Variants in EFNA5 observed in about 807,000 individuals in gnomAD.
EFNA5 encodes the protein ephrin-A5.
In EFNA5, 5 loss-of-function variants were observed where a neutral mutation model predicts 22.9. That is an observed-to-expected ratio of 0.22 (90% confidence interval 0.11 to 0.46). EFNA5 has a LOEUF of 0.46. Ranked by LOEUF, EFNA5 falls within the 20% of genes least tolerant of loss-of-function variation. The pLI, the probability that EFNA5 is intolerant of heterozygous loss-of-function variation, is 0.99. For synonymous variants in EFNA5, 113 were observed against 112.2 expected (o/e 1.01, Z -0.04); for missense variants, 237 against 293.3 (o/e 0.81, Z 1.40).
intron 2 of EFNA5, among the ~76,000 whole-genome samples, chr5:107,426,150 A>T (rs149298103): frequency 6.6e-6 from 1 of 152,240 alleles, no homozygotes; most frequent in East Asian, 1.9e-4. Flanking sequence ...ATATCTTTTC[A>T]TCTTGCATCC....
chr5:107,542,255 C>G (rs1474173917), intron 1 of EFNA5, among the ~76,000 whole-genome samples: 3 of 152,034 alleles, frequency 2.0e-5, no homozygotes, highest in Non-Finnish European at 2.9e-5. Context: ...GAAACAAGAG[C>G]CTCCTGCTTC....
In EFNA5 at chr5:107,427,383, A is replaced by G. The variant is rs1312611907; in HGVS notation, c.252T>C (p.Phe84=). The G allele has an allele frequency of 6.2e-7, 1 of 1,614,020 alleles. No homozygotes were observed. The highest frequency in any genetic ancestry group is 8.5e-7 in the Non-Finnish European group (1 of 1,180,018). ...TERYVLYMVN[F]DGYSACDHTS... is the part of the protein sequence containing the mutation. The stretch of plus-strand genomic sequence containing the variant: ...TGTGGTCGCAGGCACTGTAGCCATC[A>G]AAGTTCACCATGTAGAGGACATAGC... Residue 84 remains phenylalanine (F), a synonymous_variant, in exon 2 of 5, where the codon TTT becomes TTC. Coordinates refer to ENST00000333274, the MANE Select transcript of EFNA5 (RefSeq NM_001962.3).
chr5:107,526,275 C>T (rs1196739701), intron 1 of EFNA5, among the ~76,000 whole-genome samples: 2 of 152,328 alleles, frequency 1.3e-5, no homozygotes, highest in Non-Finnish European at 1.5e-5. Flanking sequence ...TAGGTTTCAA[C>T]TAGAAGACTC....
intron 1 of EFNA5, among the ~76,000 whole-genome samples, chr5:107,513,512 T>C (rs1747416661): frequency 6.6e-6 from 1 of 152,208 alleles, no homozygotes; most frequent in Non-Finnish European, 1.5e-5. Context: ...AGAAGATGTA[T>C]GCTGGGCAGA....
At chr5:107,404,196 G>A (rs372396548) in intron 2 of EFNA5, among the ~76,000 whole-genome samples, 80 of 152,308 alleles carry the variant, frequency 5.3e-4, no homozygotes, top group African/African-American at 1.8e-3. Context: ...AAGTGATGGC[G>A]AGTTCTCATT....
intron 1 of EFNA5, among the ~76,000 whole-genome samples, chr5:107,605,557 T>C (rs1749694799): frequency 6.6e-6 from 1 of 151,880 alleles, no homozygotes; most frequent in South Asian, 2.1e-4. Flanking sequence ...ATTACGACCT[T>C]TACCCCCACC....
chr5:107,511,468 C>T (rs755895718), intron 1 of EFNA5, among the ~76,000 whole-genome samples: 1 of 152,062 alleles, frequency 6.6e-6, no homozygotes, highest in Admixed American at 6.6e-5. Flanking sequence ...AAGCATGAAA[C>T]TGGTAGAGAA....
At chr5:107,425,824 T>C (rs1420913479) in intron 2 of EFNA5, among the ~76,000 whole-genome samples, 1 of 152,220 alleles carries the variant, frequency 6.6e-6, no homozygotes, top group Non-Finnish European at 1.5e-5. Flanking sequence ...GAAATCCCTG[T>C]AGACTTAAAC....
chr5:107,580,960 A>T (rs1477142235), intron 1 of EFNA5, among the ~76,000 whole-genome samples: 2 of 152,196 alleles, frequency 1.3e-5, no homozygotes, highest in African/African-American at 4.8e-5. Flanking sequence ...GCATTGAGCC[A>T]GTACGTTGAG....
chr5:107,404,344 A>G (rs1426177177), intron 2 of EFNA5, among the ~76,000 whole-genome samples: 3 of 152,234 alleles, frequency 2.0e-5, no homozygotes, highest in African/African-American at 4.8e-5. Flanking sequence ...CTAGAATATT[A>G]TTTCTTCATA....
At chr5:107,541,653 C>T (rs1230991007) in intron 1 of EFNA5, among the ~76,000 whole-genome samples, 1 of 152,182 alleles carries the variant, frequency 6.6e-6, no homozygotes. Context: ...CAGATTGGGA[C>T]AGACACACCT....
intron 1 of EFNA5, among the ~76,000 whole-genome samples, chr5:107,605,964 G>A (rs1194602198): frequency 1.3e-5 from 2 of 152,164 alleles, no homozygotes; most frequent in African/African-American, 4.8e-5. Flanking sequence ...CCTGTTTCCT[G>A]TATAATATCA....
At chr5:107,564,631 G>GTTTTTTTT (rs34585445) in intron 1 of EFNA5, among the ~76,000 whole-genome samples, 105 of 114,982 alleles carry the variant, frequency 9.1e-4, no homozygotes, top group African/African-American at 2.7e-3. Flanking sequence ...TTGGGTTTTT[G>GTTTTTTTT]TTTTTTTTTT....
At chr5:107,594,258 A>G (rs964196125) in intron 1 of EFNA5, among the ~76,000 whole-genome samples, 3 of 152,226 alleles carry the variant, frequency 2.0e-5, no homozygotes, top group Non-Finnish European at 2.9e-5. Flanking sequence ...GTATGTAGAC[A>G]TCCATTCATA....
At chr5:107,511,530 G>C (rs1367861758) in intron 1 of EFNA5, among the ~76,000 whole-genome samples, 1 of 151,946 alleles carries the variant, frequency 6.6e-6, no homozygotes, top group African/African-American at 2.4e-5. Flanking sequence ...AAAATAAATG[G>C]TATCCTAAAA....
At chr5:107,558,303 T>C (rs1260914638) in intron 1 of EFNA5, among the ~76,000 whole-genome samples, 1 of 152,156 alleles carries the variant, frequency 6.6e-6, no homozygotes, top group East Asian at 1.9e-4. Flanking sequence ...TTTAAGTAAC[T>C]CGCTTTTTTT....
intron 1 of EFNA5, among the ~76,000 whole-genome samples, chr5:107,668,064 G>A (rs938264617): frequency 6.6e-6 from 1 of 152,156 alleles, no homozygotes; most frequent in Non-Finnish European, 1.5e-5. Flanking sequence ...TTTAAAGTAA[G>A]TTTTTAACTG....
At chr5:107,511,108 C>A (rs1273393903) in intron 1 of EFNA5, among the ~76,000 whole-genome samples, 2 of 150,368 alleles carry the variant, frequency 1.3e-5, no homozygotes, top group Non-Finnish European at 3.0e-5. Context: ...CTCACTGCAA[C>A]CTCTGCCTCC....
intron 1 of EFNA5, among the ~76,000 whole-genome samples, chr5:107,447,847 C>A (rs1434449958): frequency 6.8e-6 from 1 of 147,950 alleles, no homozygotes; most frequent in Admixed American, 6.7e-5. Context: ...TTTTTTTTTT[C>A]TTTTTATTTC....
Sources: gnomAD v4.1 joint callset for allele counts (sites outside exome capture counted in the v4.1 genomes callset) on GRCh38, gnomAD v4.1.1 for gene constraint, MANE v1.5 for transcripts, NCBI Gene and HGNC (gene_info 2026-07-23, HGNC 2026-07-21) for gene names.